THSD7B: variants seen among roughly 807,000 people sequenced by gnomAD.
The protein encoded by THSD7B is thrombospondin type-1 domain-containing protein 7B.
THSD7B carries 138 observed loss-of-function variants against 213.6 expected under a neutral mutation model. The ratio of observed to expected loss-of-function variants is 0.65; its 90% CI spans 0.56 to 0.74. The LOEUF (loss-of-function observed/expected upper bound fraction) is 0.74, where lower values mean the gene tolerates loss of function less well. Among genes scored for constraint, THSD7B ranks in the 30% least tolerant of loss-of-function variants. The pLI is 0.00. For synonymous variants in THSD7B, 742 were observed against 687.0 expected, an observed-to-expected ratio of 1.08 and a Z score of -1.25; for missense variants, 1,931 against 1,991.5, an observed-to-expected ratio of 0.97 and a Z score of 0.58.
intron 17 of THSD7B, among the ~76,000 whole-genome samples, chr2:137,577,838 A>T (rs2105241525): frequency 6.6e-6 from 1 of 152,326 alleles, no homozygotes. Context: ...TTTTCAAAAA[A>T]TTAAAAACGT....
At chr2:137,138,355 A>G (rs1009741074) in intron 5 of THSD7B, among the ~76,000 whole-genome samples, 2 of 152,158 alleles carry the variant, frequency 1.3e-5, no homozygotes, top group Non-Finnish European at 2.9e-5. Flanking sequence ...AGCTGTGTGT[A>G]CATATGAGGT....
chr2:137,315,943 T>C (rs1474577188), intron 12 of THSD7B, among the ~76,000 whole-genome samples: 2 of 152,244 alleles, frequency 1.3e-5, no homozygotes, highest in Non-Finnish European at 2.9e-5. Context: ...TTTTTTTCAT[T>C]GTACAGTTAT....
chr2:137,083,352 G>A (rs1001588089), intron 3 of THSD7B, among the ~76,000 whole-genome samples: 38 of 151,908 alleles, frequency 2.5e-4, no homozygotes, highest in African/African-American at 8.0e-4. Context: ...TTTATTTTTT[G>A]GTAGTTTAAA....
In THSD7B at chr2:136,860,079, G is replaced by C. The variant is rs1005804; in HGVS notation, c.-35-22065G>C. The stretch of plus-strand genomic sequence containing the variant: ...GTCGCCCAGGCTGGAGTGCAGCGGC[G>C]TGATCTCGGCGCACTACAAGCTCTG... On this transcript the variant is annotated intron_variant, in intron 1 of 27. Coordinates refer to ENST00000409968, the MANE Select transcript of THSD7B (RefSeq NM_001316349.2). 2.0e-4 allele frequency among the ~76,000 whole-genome samples: 29 copies of C among 147,474 alleles called. 1 individual carries two copies. In the South Asian group the frequency reaches 6.4e-3, roughly 32 times the overall value.
intron 9 of THSD7B, among the ~76,000 whole-genome samples, chr2:137,241,387 G>GCAAA (rs1558970422): frequency 1.3e-5 from 2 of 152,188 alleles, no homozygotes; most frequent in Admixed American, 6.5e-5. Flanking sequence ...AAGCAAGCAA[G>GCAAA]CAAACAAACA....
chr2:137,488,882 G>A (rs1308335993), intron 15 of THSD7B, among the ~76,000 whole-genome samples: 1 of 152,116 alleles, frequency 6.6e-6, no homozygotes, highest in African/African-American at 2.4e-5. Context: ...CCAGCTTGAT[G>A]GGGGACAAAT....
chr2:136,921,305 C>T (rs1047980224), intron 2 of THSD7B, among the ~76,000 whole-genome samples: 15 of 151,322 alleles, frequency 9.9e-5, no homozygotes, highest in Non-Finnish European at 1.5e-5. Context: ...ATCTATATAT[C>T]TCTGGATATA....
intron 12 of THSD7B, among the ~76,000 whole-genome samples, chr2:137,323,988 A>G (rs1684314852): frequency 6.6e-6 from 1 of 152,060 alleles, no homozygotes; most frequent in Non-Finnish European, 1.5e-5. Flanking sequence ...AAAATACATC[A>G]CTCTCCGAGG....
At chr2:137,000,955 C>A (rs1322531308) in intron 2 of THSD7B, among the ~76,000 whole-genome samples, 1 of 152,086 alleles carries the variant, frequency 6.6e-6, no homozygotes, top group Non-Finnish European at 1.5e-5. Context: ...TTATTTTACT[C>A]TCATGAGAAC....
At chr2:136,920,131 C>G (rs1684410421) in intron 2 of THSD7B, among the ~76,000 whole-genome samples, 1 of 152,236 alleles carries the variant, frequency 6.6e-6, no homozygotes, top group Admixed American at 6.5e-5. Flanking sequence ...TATGTTACAG[C>G]TCTTTCAGTC....
Position 136,765,987 on chromosome 2 carries a change from C to A in THSD7B, c.-36+300C>A, listed in dbSNP as rs530496637. Among the ~76,000 whole-genome samples, 13 of 152,352 alleles carry A rather than the reference C, an allele frequency of 8.5e-5. 1 individual carries two copies. The South Asian group carries it at 2.7e-3, about 32-fold the overall frequency. On this transcript the variant is annotated intron_variant, in intron 1 of 27. Coordinates refer to ENST00000409968, the MANE Select transcript of THSD7B (RefSeq NM_001316349.2). ...CGGCGACCTGAGCACCGACCTCATG[C>A]AACGGGACCGAACCTTGGGACCCGG... is the stretch of plus-strand genomic sequence containing the variant.
intron 2 of THSD7B, among the ~76,000 whole-genome samples, chr2:136,971,810 A>G (rs1991575): frequency 5.9e-5 from 9 of 152,178 alleles, no homozygotes; most frequent in South Asian, 4.1e-4. Context: ...TTTAAATTTT[A>G]TATCTCTCAT....
At chr2:136,926,284 T>A (rs184268150) in intron 2 of THSD7B, among the ~76,000 whole-genome samples, 104 of 152,234 alleles carry the variant, frequency 6.8e-4, no homozygotes, top group Admixed American at 4.5e-3. Context: ...TACTTTTTTT[T>A]TATATTGGCT....
At chr2:137,169,286 G>T (rs1198450360) in intron 6 of THSD7B, among the ~76,000 whole-genome samples, 3 of 140,528 alleles carry the variant, frequency 2.1e-5, no homozygotes, top group African/African-American at 5.2e-5. Flanking sequence ...TTTATTTGAG[G>T]TTTTTTTTTT....
At chr2:137,095,683 A>G (rs907128332) in intron 4 of THSD7B, among the ~76,000 whole-genome samples, 2 of 152,118 alleles carry the variant, frequency 1.3e-5, no homozygotes, top group Admixed American at 6.6e-5. Context: ...GATTTAACAT[A>G]TATTAATAGC....
chr2:137,298,587 A>G (rs545468475), intron 12 of THSD7B, among the ~76,000 whole-genome samples: 4 of 152,232 alleles, frequency 2.6e-5, no homozygotes, highest in Admixed American at 6.5e-5. Flanking sequence ...GGCCCAGGAG[A>G]AAAAAGAGGT....
At chr2:137,043,783 G>A (rs1012771277) in intron 2 of THSD7B, among the ~76,000 whole-genome samples, 4 of 152,110 alleles carry the variant, frequency 2.6e-5, no homozygotes, top group African/African-American at 9.7e-5. Context: ...AGGGGCAAGG[G>A]GGAAAAGAGA....
chr2:137,384,626 G>A (rs948345939), intron 12 of THSD7B, among the ~76,000 whole-genome samples: 5 of 152,284 alleles, frequency 3.3e-5, no homozygotes, highest in South Asian at 2.1e-4. Flanking sequence ...AGAATCTTGA[G>A]AAGAGATGCT....
At chr2:137,068,256 A>C (rs1156452060) in intron 3 of THSD7B, among the ~76,000 whole-genome samples, 2 of 152,054 alleles carry the variant, frequency 1.3e-5, no homozygotes, top group African/African-American at 4.8e-5. Context: ...AGTCACCATT[A>C]TCTCTTCTGA....
Sources: gnomAD v4.1 joint callset for allele counts (sites outside exome capture counted in the v4.1 genomes callset) on GRCh38, gnomAD v4.1.1 for gene constraint, MANE v1.5 for transcripts, NCBI Gene and HGNC (gene_info 2026-07-23, HGNC 2026-07-21) for gene names.